HIVEP3: variants seen among roughly 807,000 people sequenced by gnomAD.
HIVEP3 encodes HIVEP zinc finger 3, also known as transcription factor HIVEP3.
HIVEP3 carries 49 observed loss-of-function variants against 152.8 expected under a neutral mutation model. The ratio of observed to expected loss-of-function variants is 0.32; its 90% CI spans 0.26 to 0.41. The LOEUF (loss-of-function observed/expected upper bound fraction) is 0.41, where lower values mean the gene tolerates loss of function less well. HIVEP3 is among the 10% of genes least tolerant of loss of function. HIVEP3 has a pLI of 1.00. For synonymous variants in HIVEP3, 1,269 were observed against 1,289.0 expected (o/e 0.98, Z 0.33); for missense variants, 2,790 against 3,103.3 (o/e 0.90, Z 2.40).
At chr1:41,703,747 A>G (rs1443222208) in intron 1 of HIVEP3, among the ~76,000 whole-genome samples, 1 of 152,248 alleles carries the variant, frequency 6.6e-6, no homozygotes, top group Non-Finnish European at 1.5e-5. Context: ...TCTGTAAAGA[A>G]GTAAGTATCT....
chr1:41,805,184 A>T (rs1294305705), intron 1 of HIVEP3, among the ~76,000 whole-genome samples: 1 of 152,160 alleles, frequency 6.6e-6, no homozygotes, highest in Non-Finnish European at 1.5e-5. Flanking sequence ...TGAAAATACA[A>T]AAATTAGCCA....
chr1:41,958,357 C>G (rs1206397411), intron 1 of HIVEP3, among the ~76,000 whole-genome samples: 1 of 152,232 alleles, frequency 6.6e-6, no homozygotes, highest in Non-Finnish European at 1.5e-5. Flanking sequence ...ATTCTGAAAA[C>G]AGCTCCTGGT....
intron 1 of HIVEP3, among the ~76,000 whole-genome samples, chr1:41,893,675 G>A (rs1644482659): frequency 6.6e-6 from 1 of 151,356 alleles, no homozygotes; most frequent in Non-Finnish European, 1.5e-5. Flanking sequence ...TACTTCACCT[G>A]TCAGAGCCTC....
intron 1 of HIVEP3, among the ~76,000 whole-genome samples, chr1:41,995,667 G>T (rs1218370781): frequency 6.6e-6 from 1 of 152,184 alleles, no homozygotes; most frequent in Non-Finnish European, 1.5e-5. Context: ...GGAATAAAAT[G>T]CATGACAACA....
chr1:41,840,265 T>G lies in HIVEP3; in HGVS notation c.-801+78148A>C, dbSNP rs187086000. Among the ~76,000 whole-genome samples the G allele has an allele frequency of 4.6e-5, 7 of 152,264 alleles. No individual in the cohort carries two copies. The South Asian group carries it at 1.2e-3, about 27-fold the overall frequency. Reference sequence around the variant, plus strand: ...TCTTTGCAGATATCATTAGTTAAGATGAAGTCATATTGGAATAGAGTAGAC... The same window carrying G: ...TCTTTGCAGATATCATTAGTTAAGAGGAAGTCATATTGGAATAGAGTAGAC... On this transcript the variant is annotated intron_variant, in intron 1 of 8. Transcript: ENST00000372583.
At chr1:41,573,519 G>A (rs538076982) in intron 5 of HIVEP3, among the ~76,000 whole-genome samples, 7 of 152,334 alleles carry the variant, frequency 4.6e-5, no homozygotes, top group Non-Finnish European at 1.0e-4. Context: ...CAAATTGCAT[G>A]TGACAAGTTG....
intron 2 of HIVEP3, among the ~76,000 whole-genome samples, chr1:41,695,371 C>T (rs1335121048): frequency 6.6e-6 from 1 of 152,192 alleles, no homozygotes; most frequent in African/African-American, 2.4e-5. Context: ...AGTAGCTGGG[C>T]AGGCCTCAGC....
chr1:41,890,243 C>T (rs1644425595), intron 1 of HIVEP3, among the ~76,000 whole-genome samples: 1 of 152,222 alleles, frequency 6.6e-6, no homozygotes, highest in African/African-American at 2.4e-5. Context: ...GTGCTGGCTG[C>T]TTTGGTGCAG....
chr1:41,837,931 GC>G (rs1216489770), intron 1 of HIVEP3, among the ~76,000 whole-genome samples: 1 of 152,150 alleles, frequency 6.6e-6, no homozygotes, highest in Non-Finnish European at 1.5e-5. Context: ...GTTCCTCTCA[GC>G]CCTGCAGGGG....
At chr1:41,906,307 T>TG (rs948793065) in intron 1 of HIVEP3, among the ~76,000 whole-genome samples, 3 of 145,618 alleles carry the variant, frequency 2.1e-5, no homozygotes, top group African/African-American at 8.1e-5. Context: ...AGACTCTGTC[T>TG]GAAAAAAAAA....
rs146772549 is a variant in HIVEP3, at chr1:41,913,019, C to T, written c.-801+5394G>A. 2.7e-3 allele frequency among the ~76,000 whole-genome samples: 405 copies of T among 152,328 alleles called. 4 individuals carry two copies. Among genetic ancestry groups the T allele is most frequent in the African/African-American group, 9.3e-3 (385 of 41,574 alleles). ...ATGTGAACTGTATGTTGCAAAGCCA[C>T]AGCAAAGAACAAGTCACTTAGCTAG... On this transcript the variant is annotated intron_variant, in intron 1 of 8. Transcript: ENST00000372583.
At chr1:41,642,909 G>A (rs1294404238) in intron 2 of HIVEP3, among the ~76,000 whole-genome samples, 2 of 152,062 alleles carry the variant, frequency 1.3e-5, no homozygotes, top group Non-Finnish European at 2.9e-5. Context: ...TCTCAGCATG[G>A]GACCTTGCAT....
chr1:41,956,430 T>C (rs1459265728), intron 1 of HIVEP3, among the ~76,000 whole-genome samples: 1 of 152,188 alleles, frequency 6.6e-6, no homozygotes, highest in Non-Finnish European at 1.5e-5. Flanking sequence ...TAGGTCAGGA[T>C]CTCTGTAGAG....
At chr1:41,679,323 A>G (rs1646003964) in intron 2 of HIVEP3, among the ~76,000 whole-genome samples, 1 of 152,236 alleles carries the variant, frequency 6.6e-6, no homozygotes, top group Non-Finnish European at 1.5e-5. Context: ...CCAGGGTCAC[A>G]GAGCAAGCAA....
At chr1:41,526,643 ACCCCCACACTCACACTCCCCCT>A (rs1642940151) in intron 5 of HIVEP3, among the ~76,000 whole-genome samples, 1 of 31,638 alleles carries the variant, frequency 3.2e-5, no homozygotes, top group African/African-American at 1.5e-4. Context: ...ACACCCTCAC[ACCCCCACACTCACACTCCCCCT>A]CATACCTGCT....
chr1:41,544,900 C>T (rs201797700), intron 5 of HIVEP3, among the ~76,000 whole-genome samples: 1 of 128,940 alleles, frequency 7.8e-6, no homozygotes, highest in African/African-American at 3.1e-5. Flanking sequence ...ACCACCATCA[C>T]CACCACCACT....
intron 1 of HIVEP3, among the ~76,000 whole-genome samples, chr1:41,990,446 G>C (rs1476010157): frequency 4.0e-5 from 6 of 149,542 alleles, no homozygotes; most frequent in Non-Finnish European, 7.5e-5. Context: ...AACAAGAAGA[G>C]CTAACTATCC....
intron 1 of HIVEP3, among the ~76,000 whole-genome samples, chr1:41,733,002 T>G (rs1436557319): frequency 6.6e-6 from 1 of 152,122 alleles, no homozygotes; most frequent in African/African-American, 2.4e-5. Context: ...TACATGTGCA[T>G]GGAATAAATA....
chr1:41,888,456 AAGG>A (rs1484181583), intron 1 of HIVEP3, among the ~76,000 whole-genome samples: 4 of 151,628 alleles, frequency 2.6e-5, no homozygotes, highest in African/African-American at 4.9e-5. Flanking sequence ...GAGAGAGGAG[AAGG>A]AGGAGAAAGG....
Sources: allele counts gnomAD v4.1 joint callset (sites outside exome capture counted in the v4.1 genomes callset), GRCh38; gene constraint gnomAD v4.1.1; transcripts MANE v1.5; gene names NCBI Gene and HGNC (gene_info 2026-07-23, HGNC 2026-07-21).